The following BABAM2 variants were observed in gnomAD, a reference collection of about 807,000 sequenced individuals.
BABAM2 encodes BRISC and BRCA1-A complex member 2.
A neutral mutation model predicts 54.7 loss-of-function variants in BABAM2; 31 were observed. The observed-to-expected ratio is 0.57, with a 90% CI of 0.43 to 0.77. The LOEUF (loss-of-function observed/expected upper bound fraction) is 0.77. BABAM2 is among the 30% of genes least tolerant of loss of function. The probability of loss-of-function intolerance (pLI) is 0.00; values close to 1 mark genes in which losing one functional copy is unlikely to be tolerated. For synonymous variants in BABAM2, 167 were observed against 162.9 expected, an observed-to-expected ratio of 1.03 and a Z score of -0.19; for missense variants, 364 against 455.8, an observed-to-expected ratio of 0.80 and a Z score of 1.83.
At chr2:27,955,518 T>A (rs1278060178) in intron 3 of BABAM2, among the ~76,000 whole-genome samples, 1 of 152,244 alleles carries the variant, frequency 6.6e-6, no homozygotes, top group Non-Finnish European at 1.5e-5. Flanking sequence ...ACTTGAGTGA[T>A]CTTTTATATC....
intron 10 of BABAM2, among the ~76,000 whole-genome samples, chr2:28,269,203 T>G (rs1685220211): frequency 6.6e-6 from 1 of 152,206 alleles, no homozygotes; most frequent in African/African-American, 2.4e-5. Context: ...CCATCCCTTA[T>G]CTGTTGCTGG....
chr2:28,248,488 C>T (rs1484456761), intron 10 of BABAM2, among the ~76,000 whole-genome samples: 2 of 152,004 alleles, frequency 1.3e-5, no homozygotes, highest in East Asian at 1.9e-4. Flanking sequence ...GGATTACAGG[C>T]GTGAGCCACC....
intron 7 of BABAM2, among the ~76,000 whole-genome samples, chr2:28,181,999 C>A (rs1311091509): frequency 6.6e-6 from 1 of 151,866 alleles, no homozygotes; most frequent in Admixed American, 6.6e-5. Context: ...AGCACAAAGG[C>A]CTGGGGTGGG....
intron 6 of BABAM2, among the ~76,000 whole-genome samples, chr2:28,097,400 A>G (rs1400985101): frequency 6.6e-6 from 1 of 152,090 alleles, no homozygotes; most frequent in African/African-American, 2.4e-5. Flanking sequence ...TATCATTTTT[A>G]TTTATTTTTG....
chr2:28,241,814 C>T (rs918023137), intron 9 of BABAM2, among the ~76,000 whole-genome samples: 1 of 151,554 alleles, frequency 6.6e-6, no homozygotes, highest in Non-Finnish European at 1.5e-5. Context: ...CTTTTTAATG[C>T]CACTTTGATC....
chr2:27,939,486 C>T (rs1052795935), intron 3 of BABAM2, among the ~76,000 whole-genome samples: 1 of 152,130 alleles, frequency 6.6e-6, no homozygotes, highest in African/African-American at 2.4e-5. Flanking sequence ...TTCAGATTTT[C>T]GTTGGTTGAA....
intron 6 of BABAM2, among the ~76,000 whole-genome samples, chr2:28,122,942 T>A (rs552143338): frequency 6.6e-6 from 1 of 152,324 alleles, no homozygotes; most frequent in South Asian, 2.1e-4. Flanking sequence ...AATAAAATCT[T>A]AAGCATAGAC....
intron 6 of BABAM2, among the ~76,000 whole-genome samples, chr2:28,047,282 G>A (rs1258450089): frequency 6.6e-6 from 1 of 152,134 alleles, no homozygotes. Flanking sequence ...CAATTACTAT[G>A]CTCTATTAGA....
At chr2:27,976,663 T>C (rs906556909) in intron 3 of BABAM2, among the ~76,000 whole-genome samples, 1 of 152,190 alleles carries the variant, frequency 6.6e-6, no homozygotes, top group African/African-American at 2.4e-5. Context: ...CTGCATGTTA[T>C]ACAACTCTTA....
chr2:27,909,079 G>A (rs1218788636), intron 2 of BABAM2, among the ~76,000 whole-genome samples: 1 of 151,950 alleles, frequency 6.6e-6, no homozygotes, highest in East Asian at 1.9e-4. Flanking sequence ...GTCTCACTCT[G>A]TCACCCAGGC....
chr2:27,896,566 C>T (rs1665340572), intron 2 of BABAM2: 1 of 152,798 alleles, frequency 6.5e-6, no homozygotes, highest in Non-Finnish European at 1.5e-5. Context: ...CACACTTGAA[C>T]CCTACCTTGG....
intron 7 of BABAM2, among the ~76,000 whole-genome samples, chr2:28,193,108 T>C (rs1677119505): frequency 1.3e-5 from 2 of 151,942 alleles, no homozygotes; most frequent in African/African-American, 2.4e-5. Flanking sequence ...AGGTGGAGAT[T>C]GCAGTGAGCC....
At chr2:28,330,818 AT>A (rs939849936) in intron 11 of BABAM2, among the ~76,000 whole-genome samples, 1 of 152,254 alleles carries the variant, frequency 6.6e-6, no homozygotes, top group African/African-American at 2.4e-5. Context: ...TCTTCACAGA[AT>A]TTTTTTAAAA....
intron 4 of BABAM2, chr2:28,016,433 G>T (rs561196753): frequency 2.1e-6 from 3 of 1,399,600 alleles, no homozygotes; most frequent in Non-Finnish European, 3.0e-6. Flanking sequence ...CCTTGATCTC[G>T]CCATTGCTGT....
intron 7 of BABAM2, among the ~76,000 whole-genome samples, chr2:28,233,569 A>G (rs1168653688): frequency 6.6e-6 from 1 of 152,228 alleles, no homozygotes; most frequent in Non-Finnish European, 1.5e-5. Flanking sequence ...GCTGATATTT[A>G]TACATGAATC....
chr2:28,292,674 T>C (rs767674042), intron 10 of BABAM2, among the ~76,000 whole-genome samples: 16 of 152,112 alleles, frequency 1.1e-4, no homozygotes, highest in Admixed American at 9.2e-4. Context: ...CATGATCAGC[T>C]CTAAGGCAAG....
intron 11 of BABAM2, among the ~76,000 whole-genome samples, chr2:28,317,660 C>T (rs886571589): frequency 6.6e-6 from 1 of 152,188 alleles, no homozygotes; most frequent in African/African-American, 2.4e-5. Context: ...GCCAAAACAA[C>T]CTGTTCTCAG....
intron 3 of BABAM2, among the ~76,000 whole-genome samples, chr2:27,979,834 T>G (rs1671876729): frequency 6.6e-6 from 1 of 152,172 alleles, no homozygotes; most frequent in Non-Finnish European, 1.5e-5. Context: ...AAGGCAAGTA[T>G]CCTGTGGACA....
At chr2:28,129,507 T>A in intron 7 of BABAM2, 127 bp downstream of exon 7, 1 of 847,778 alleles carries the variant, frequency 1.2e-6, no homozygotes, top group Non-Finnish European at 1.9e-6. Flanking sequence ...TCTTAAAAAA[T>A]TCATCATATT....
Sources: gnomAD v4.1 joint callset for allele counts (sites outside exome capture counted in the v4.1 genomes callset) on GRCh38, gnomAD v4.1.1 for gene constraint, MANE v1.5 for transcripts, NCBI Gene and HGNC (gene_info 2026-07-23, HGNC 2026-07-21) for gene names.